PCDHGA4: variants seen among roughly 807,000 people sequenced by gnomAD.
PCDHGA4 encodes protocadherin gamma subfamily A, 4.
PCDHGA4 carries 38 observed loss-of-function variants against 54.6 expected under a neutral mutation model. The ratio of observed to expected loss-of-function variants is 0.70; its 90% CI spans 0.54 to 0.91. The LOEUF is 0.91. Among genes scored for constraint, PCDHGA4 ranks in the 40% least tolerant of loss-of-function variants. The pLI is 0.00. For missense variants in PCDHGA4, 1,298 were observed against 1,220.9 expected (o/e 1.06, Z -0.94); for synonymous variants, 511 against 512.9 (o/e 1.00, Z 0.05).
intron 1 of PCDHGA4, chr5:141,384,679 G>T: frequency 6.2e-7 from 1 of 1,614,216 alleles, no homozygotes; most frequent in Non-Finnish European, 8.5e-7. Context: ...GGTGGTGGCG[G>T]TGGACAAAGA....
intron 1 of PCDHGA4, chr5:141,409,493 CCT>C (rs1312265786): frequency 6.2e-6 from 10 of 1,614,012 alleles, no homozygotes; most frequent in Non-Finnish European, 7.6e-6. Context: ...GGGCAAGCCG[CCT>C]CTTTCTTCCA....
At chr5:141,415,079 C>A (rs1388248799) in intron 1 of PCDHGA4, 1 of 1,613,380 alleles carries the variant, frequency 6.2e-7, no homozygotes, top group Non-Finnish European at 8.5e-7. Context: ...ACGGCGCGAG[C>A]CCTGCTGGAC....
chr5:141,443,064 G>A (rs76234738), intron 1 of PCDHGA4, among the ~76,000 whole-genome samples: 48 of 152,264 alleles, frequency 3.2e-4, no homozygotes, highest in African/African-American at 1.1e-3. Context: ...ACTGAAGAGC[G>A]TCTTATGACT....
chr5:141,432,934 G>T lies in PCDHGA4; in HGVS notation c.2515-61873G>T, dbSNP rs377666802. 1.2e-6 allele frequency: 2 copies of T among 1,614,078 alleles called. No individual in the cohort carries two copies. The highest frequency in any genetic ancestry group is 1.3e-5 in the African/African-American group (1 of 74,940). On this transcript the variant is annotated intron_variant, in intron 1 of 3. Coordinates refer to ENST00000571252, the MANE Select transcript of PCDHGA4 (RefSeq NM_018917.4). This position sits in a 1 kb window ranked among gnomAD's most constrained non-coding sequence, Gnocchi z 6.0. ...GGCGCTGGCACAAGTCACGCCTGCT[G>T]CAGGCTTCAGGAGGCGGCTTGACAG...
In PCDHGA4 at chr5:141,472,878, C is replaced by T. The variant is rs774209715; in HGVS notation, c.2515-21929C>T. ...GCACATGCCTGTATTCCCAGCTACT[C>T]GGGAGGCTGAGGCAGGAGAATTGCT... On this transcript the variant is annotated intron_variant, in intron 1 of 3. Transcript: ENST00000571252. 6.8e-5 allele frequency among the ~76,000 whole-genome samples: 10 copies of T among 146,132 alleles called. 1 individual carries two copies. The highest frequency in any genetic ancestry group is 4.2e-4 in the East Asian group (2 of 4,758).
rs754225999 is a variant in PCDHGA4, at chr5:141,489,509, T to C, written c.2515-5298T>C. The C allele has an allele frequency of 1.2e-6, 2 of 1,614,062 alleles. No homozygotes were observed. The highest frequency in any genetic ancestry group is 1.1e-5 in the South Asian group (1 of 91,074). On this transcript the variant is annotated intron_variant, in intron 1 of 3. Coordinates refer to ENST00000571252, the MANE Select transcript of PCDHGA4 (RefSeq NM_018917.4). The surrounding 1 kb of genome is among the most constrained non-coding windows in gnomAD (Gnocchi z 4.5). ...GGTGCCCTGGCAGTGAATCAAAAGA[T>C]TGACCGAGAAAGCCTATGTGGAGCC...
chr5:141,469,376 A>T (rs572466149), intron 1 of PCDHGA4, among the ~76,000 whole-genome samples: 1 of 152,232 alleles, frequency 6.6e-6, no homozygotes, highest in East Asian at 1.9e-4. Flanking sequence ...AGAGATCGAG[A>T]CCATCCTGGC....
At chr5:141,384,225 G>A (rs757132379) in intron 1 of PCDHGA4, 1 of 1,613,856 alleles carries the variant, frequency 6.2e-7, no homozygotes, top group Non-Finnish European at 8.5e-7. Context: ...TCATGCAGGT[G>A]GCAGACACCA....
chr5:141,389,560 G>C (rs1323439261), intron 1 of PCDHGA4: 2 of 1,613,106 alleles, frequency 1.2e-6, no homozygotes, highest in South Asian at 1.1e-5. Context: ...AATGCGCCAC[G>C]GGTGCTGTAC....
rs2099749632 is a variant in PCDHGA4, at chr5:141,493,698, C to T, written c.2515-1109C>T. The stretch of plus-strand genomic sequence containing the variant: ...AGAATGGTGCTGGTGACTCCCGATA[C>T]ACCTGGAATGCTAGGTTTCTGGGTT... On this transcript the variant is annotated intron_variant, in intron 1 of 3. Transcript: ENST00000571252. This position sits in a 1 kb window ranked among gnomAD's most constrained non-coding sequence, Gnocchi z 4.3. Among the ~76,000 whole-genome samples the T allele has an allele frequency of 6.6e-6, 1 of 152,208 alleles. No individual in the cohort carries two copies. Among genetic ancestry groups the T allele is most frequent in the Non-Finnish European group, 1.5e-5 (1 of 68,034 alleles).
Position 141,357,637 on chromosome 5 carries a change from A to G in PCDHGA4, c.2514+16A>G. On this transcript the variant is annotated intron_variant, in intron 1 of 3. Transcript: ENST00000571252. ...TAATCTTCAGGTGAGTCAATCTTAT[A>G]ATAGATCATACCACACTGAAATATA... The G allele has an allele frequency of 6.2e-7, 1 of 1,612,586 alleles. No homozygotes were observed. Among genetic ancestry groups the G allele is most frequent in the Non-Finnish European group, 8.5e-7 (1 of 1,178,778 alleles).
At chr5:141,418,233 A>T in intron 1 of PCDHGA4, 1 of 1,614,048 alleles carries the variant, frequency 6.2e-7, no homozygotes, top group Non-Finnish European at 8.5e-7. Flanking sequence ...GTGATTGAGG[A>T]TGTTAATGAC....
At chr5:141,447,976 C>T (rs774074042) in intron 1 of PCDHGA4, among the ~76,000 whole-genome samples, 18 of 151,938 alleles carry the variant, frequency 1.2e-4, no homozygotes, top group Non-Finnish European at 2.5e-4. Flanking sequence ...ATCCCAGCTA[C>T]TCGGGAGGCT....
rs551396089 is a variant in PCDHGA4, at chr5:141,423,798, A to T, written c.2514+66177A>T. On this transcript the variant is annotated intron_variant, in intron 1 of 3. Coordinates refer to ENST00000571252, the MANE Select transcript of PCDHGA4 (RefSeq NM_018917.4). ...TATTTAGTTCATATATATTTAGAGC[A>T]ATACATGTGAGTTTTACTTTGCCTT... is the stretch of plus-strand genomic sequence containing the variant. 3.3e-6 allele frequency: 4 copies of T among 1,222,280 alleles called. No homozygotes were observed. The South Asian group carries it at 1.1e-4, about 33-fold the overall frequency. 75.7% of individuals were successfully genotyped at this position (1,222,280 alleles called of 1,614,324 possible). A position where few individuals can be genotyped will look rare whatever the true frequency, so the allele number is the denominator to read the frequency against.
rs754537015 is a variant in PCDHGA4 at position 141,431,184 on chromosome 5, T to C, written c.2515-63623T>C. The C allele has an allele frequency of 2.5e-6, 4 of 1,614,090 alleles. No individual in the cohort carries two copies. In the South Asian group the frequency reaches 3.3e-5, roughly 13 times the overall value. ...CGTGAAAGTGAATTAGAAATAAAAATTAGTGAAAATGCAGCCACTGAGATG... is the reference window on the plus strand; with the variant it reads ...CGTGAAAGTGAATTAGAAATAAAAACTAGTGAAAATGCAGCCACTGAGATG... On this transcript the variant is annotated intron_variant, in intron 1 of 3. Coordinates refer to ENST00000571252, the MANE Select transcript of PCDHGA4 (RefSeq NM_018917.4). This position sits in a 1 kb window ranked among gnomAD's most constrained non-coding sequence, Gnocchi z 4.8.
chr5:141,486,844 C>T lies in PCDHGA4; in HGVS notation c.2515-7963C>T, dbSNP rs150549306. The T allele has an allele frequency of 1.1e-5, 17 of 1,614,220 alleles. No homozygotes were observed. The highest frequency in any genetic ancestry group is 1.4e-5 in the Non-Finnish European group (16 of 1,180,026). ...TAACAGTTCGTCTATTTGTGCTGGACCTCAATGACAATGCTCCAGCTGTGC... is the reference window on the plus strand; with the variant it reads ...TAACAGTTCGTCTATTTGTGCTGGATCTCAATGACAATGCTCCAGCTGTGC... On this transcript the variant is annotated intron_variant, in intron 1 of 3. Transcript: ENST00000571252. The surrounding 1 kb of genome is among the most constrained non-coding windows in gnomAD (Gnocchi z 5.0).
At chr5:141,426,946 C>T (rs565370434) in intron 1 of PCDHGA4, 5 of 456,668 alleles carry the variant, frequency 1.1e-5, no homozygotes, top group Non-Finnish European at 2.2e-5. Context: ...CCAGTCCCAA[C>T]TGGCACTGCT....
chr5:141,370,311 A>G, intron 1 of PCDHGA4: 8 of 1,247,000 alleles, frequency 6.4e-6, no homozygotes, highest in Non-Finnish European at 8.9e-6. Context: ...CAAAGCAAAT[A>G]GTTGGTCCTG....
chr5:141,365,732 G>A (rs780327572), intron 1 of PCDHGA4: 2 of 1,613,574 alleles, frequency 1.2e-6, no homozygotes, highest in Non-Finnish European at 8.5e-7. Flanking sequence ...CAATCCCAGA[G>A]GTGTCTCTAT....
Sources: allele counts gnomAD v4.1 joint callset (sites outside exome capture counted in the v4.1 genomes callset), GRCh38; gene constraint gnomAD v4.1.1; non-coding constraint Gnocchi (gnomAD v3.1); transcripts MANE v1.5; gene names NCBI Gene and HGNC (gene_info 2026-07-23, HGNC 2026-07-21).